The following SLC24A2 variants were observed in gnomAD, a reference collection of about 807,000 sequenced individuals.
The protein encoded by SLC24A2 is solute carrier family 24 member 2.
A neutral mutation model predicts 62.0 loss-of-function variants in SLC24A2; 36 were observed. The ratio of observed to expected loss-of-function variants is 0.58; its 90% CI spans 0.44 to 0.77. The LOEUF (loss-of-function observed/expected upper bound fraction) is 0.77. Ranked by LOEUF, SLC24A2 falls within the 30% of genes least tolerant of loss-of-function variation. SLC24A2 has a pLI of 0.00. For synonymous variants in SLC24A2, 358 were observed against 294.0 expected, an observed-to-expected ratio of 1.22 and a Z score of -2.23; for missense variants, 846 against 817.9, an observed-to-expected ratio of 1.03 and a Z score of -0.42.
chr9:19,586,986 A>C (rs1441115660), intron 5 of SLC24A2, among the ~76,000 whole-genome samples: 2 of 152,302 alleles, frequency 1.3e-5, no homozygotes, highest in East Asian at 3.9e-4. Flanking sequence ...ATGAAGAATC[A>C]CTTTACTAAA....
the SLC24A2 span, among the ~76,000 whole-genome samples, chr9:20,158,929 C>G: frequency 1.3e-5 from 2 of 151,570 alleles, no homozygotes; most frequent in African/African-American, 2.4e-5. Flanking sequence ...CTAGACTATC[C>G]TAGTAAAACT....
At chr9:20,027,661 G>C in the SLC24A2 span, among the ~76,000 whole-genome samples, 5 of 152,182 alleles carry the variant, frequency 3.3e-5, no homozygotes, top group African/African-American at 9.6e-5. Flanking sequence ...TGAAGGGAAG[G>C]AGGGATGGGG....
chr9:20,243,120 C>T, the SLC24A2 span, among the ~76,000 whole-genome samples: 3 of 152,122 alleles, frequency 2.0e-5, no homozygotes, highest in Non-Finnish European at 4.4e-5. Context: ...GACTCCACAC[C>T]CACCCCCCAT....
At chr9:19,690,434 A>G (rs1820010857) in intron 2 of SLC24A2, among the ~76,000 whole-genome samples, 2 of 152,052 alleles carry the variant, frequency 1.3e-5, no homozygotes, top group Non-Finnish European at 2.9e-5. Context: ...AAATGCTGAG[A>G]CTGTTGGAGG....
At chr9:19,609,120 GCTCA>G (rs796205169) in intron 4 of SLC24A2, among the ~76,000 whole-genome samples, 3 of 152,346 alleles carry the variant, frequency 2.0e-5, no homozygotes, top group African/African-American at 7.2e-5. Context: ...TGCAGCCAGT[GCTCA>G]CTGTGTCCAG....
chr9:19,971,269 T>C, the SLC24A2 span, among the ~76,000 whole-genome samples: 2 of 152,300 alleles, frequency 1.3e-5, no homozygotes, highest in East Asian at 3.9e-4. Context: ...CAAAATCTCC[T>C]AGCATGCCTT....
chr9:19,873,447 C>CTCTT, the SLC24A2 span, among the ~76,000 whole-genome samples: 13 of 144,110 alleles, frequency 9.0e-5, no homozygotes, highest in Admixed American at 2.1e-4. Context: ...TCCTTTCTTT[C>CTCTT]TCTTTCTTTC....
intron 4 of SLC24A2, 116 bp from the exon 5 acceptor site, chr9:19,597,395 G>GT: frequency 1.3e-6 from 1 of 766,294 alleles, no homozygotes; most frequent in South Asian, 1.4e-5. Flanking sequence ...TTTTGCAATC[G>GT]TAACTATATG....
chr9:19,853,434 G>A, the SLC24A2 span, among the ~76,000 whole-genome samples: 3 of 152,184 alleles, frequency 2.0e-5, no homozygotes, highest in South Asian at 6.2e-4. Context: ...GTATTACACT[G>A]GCTGTGGTTT....
chr9:19,941,091 C>T, the SLC24A2 span, among the ~76,000 whole-genome samples: 2 of 152,138 alleles, frequency 1.3e-5, no homozygotes, highest in South Asian at 2.1e-4. Flanking sequence ...CTGATGTACA[C>T]TGGCTGAGAG....
chr9:20,238,609 C>T, the SLC24A2 span, among the ~76,000 whole-genome samples: 1 of 152,122 alleles, frequency 6.6e-6, no homozygotes, highest in Non-Finnish European at 1.5e-5. Context: ...AATGGAAGTT[C>T]CCAGTCAATC....
At chr9:19,638,772 GATTAAATAAGATGAC>G (rs34880988) in intron 2 of SLC24A2, among the ~76,000 whole-genome samples, 113,069 of 151,614 alleles carry the variant, frequency 0.75, 42,271 homozygotes, top group East Asian at 0.87. Flanking sequence ...TTAATCATCA[GATTAAATAAGATGAC>G]ATTAAATAAG....
the SLC24A2 span, among the ~76,000 whole-genome samples, chr9:20,270,159 AG>A: frequency 1.1e-4 from 17 of 152,158 alleles, no homozygotes; most frequent in Admixed American, 1.1e-3. Flanking sequence ...AACCACCAGA[AG>A]GGCACCAACC....
At chr9:20,129,964 C>G in the SLC24A2 span, among the ~76,000 whole-genome samples, 4 of 149,474 alleles carry the variant, frequency 2.7e-5, no homozygotes, top group African/African-American at 9.8e-5. Context: ...CACACACACA[C>G]AGAGGTTAAG....
At chr9:19,854,865 G>T in the SLC24A2 span, among the ~76,000 whole-genome samples, 1 of 152,138 alleles carries the variant, frequency 6.6e-6, no homozygotes, top group East Asian at 1.9e-4. Flanking sequence ...TTGTCTTAAT[G>T]ATCTGTCTAA....
intron 8 of SLC24A2, among the ~76,000 whole-genome samples, chr9:19,536,733 G>T (rs1157256860): frequency 3.6e-5 from 1 of 28,046 alleles, no homozygotes; most frequent in Non-Finnish European, 5.9e-5. Flanking sequence ...GGGATGGCTG[G>T]GTCAAATGGT....
the SLC24A2 span, among the ~76,000 whole-genome samples, chr9:19,839,242 C>G: frequency 3.9e-5 from 6 of 152,306 alleles, 1 homozygote; most frequent in African/African-American, 1.2e-4. Flanking sequence ...CAGGAAACAA[C>G]AGGTGCTGGA....
the SLC24A2 span, among the ~76,000 whole-genome samples, chr9:20,196,794 GA>G: frequency 6.6e-6 from 1 of 152,104 alleles, no homozygotes; most frequent in African/African-American, 2.4e-5. Context: ...TTGAAAACAT[GA>G]AAATGCATAA....
chr9:20,129,025 T>A, the SLC24A2 span, among the ~76,000 whole-genome samples: 1 of 152,048 alleles, frequency 6.6e-6, no homozygotes, highest in African/African-American at 2.4e-5. Context: ...AGAAAATATT[T>A]TCAAATAATA....
Sources: gnomAD v4.1 joint callset for allele counts (sites outside exome capture counted in the v4.1 genomes callset) on GRCh38, gnomAD v4.1.1 for gene constraint, MANE v1.5 for transcripts, NCBI Gene and HGNC (gene_info 2026-07-23, HGNC 2026-07-21) for gene names.